FHOD3: variants seen among roughly 807,000 people sequenced by gnomAD.
The protein encoded by FHOD3 is formin homology 2 domain containing 3.
In FHOD3, 90 loss-of-function variants were observed where a neutral mutation model predicts 173.0. The observed-to-expected ratio is 0.52, with a 90% CI of 0.44 to 0.62. The LOEUF is 0.62. Ranked by LOEUF, FHOD3 falls within the 20% of genes least tolerant of loss-of-function variation. FHOD3 has a pLI of 0.00. For missense variants in FHOD3, 1,945 were observed against 2,034.7 expected (o/e 0.96, Z 0.85); for synonymous variants, 828 against 823.0 (o/e 1.01, Z -0.10).
intron 3 of FHOD3, among the ~76,000 whole-genome samples, chr18:36,457,838 C>A (rs865912858): frequency 1.3e-5 from 2 of 152,264 alleles, no homozygotes; most frequent in South Asian, 4.1e-4. Context: ...TCTGCTGAAT[C>A]GGATGTTACA....
chr18:36,738,623 A>C (rs1200719133), intron 20 of FHOD3, among the ~76,000 whole-genome samples: 2 of 152,140 alleles, frequency 1.3e-5, no homozygotes, highest in African/African-American at 4.8e-5. Flanking sequence ...GTATAGTGTA[A>C]GGTTTAACTT....
chr18:36,417,606 G>A (rs1385801076), intron 3 of FHOD3, among the ~76,000 whole-genome samples: 1 of 152,184 alleles, frequency 6.6e-6, no homozygotes. Context: ...GGGTTGAATG[G>A]TAGGAAATCA....
intron 5 of FHOD3, among the ~76,000 whole-genome samples, chr18:36,517,417 C>G (rs956405504): frequency 2.0e-5 from 3 of 152,056 alleles, no homozygotes; most frequent in Non-Finnish European, 2.9e-5. Flanking sequence ...TGTGGGGTCC[C>G]CTGCATGGCA....
At chr18:36,466,095 A>G (rs979659248) in intron 3 of FHOD3, among the ~76,000 whole-genome samples, 2 of 152,160 alleles carry the variant, frequency 1.3e-5, no homozygotes, top group East Asian at 3.9e-4. Flanking sequence ...TTACTGAATA[A>G]ATAAATACAT....
At chr18:36,716,972 A>T (rs889795349) in intron 18 of FHOD3, among the ~76,000 whole-genome samples, 2 of 146,342 alleles carry the variant, frequency 1.4e-5, no homozygotes, top group Non-Finnish European at 3.0e-5. Context: ...ATGTGCCAGA[A>T]GGAAGACTCT....
At chr18:36,549,532 C>CTTTTTTTTTTTTTTTTTTT (rs386387404) in intron 5 of FHOD3, among the ~76,000 whole-genome samples, 1 of 71,234 alleles carries the variant, frequency 1.4e-5, no homozygotes, top group Non-Finnish European at 2.5e-5. Flanking sequence ...TCTAAGAAAT[C>CTTTTTTTTTTTTTTTTTTT]TTTTTTTTTT....
At chr18:36,350,713 C>CGAGA (rs1363787218) in intron 1 of FHOD3, among the ~76,000 whole-genome samples, 1 of 152,170 alleles carries the variant, frequency 6.6e-6, no homozygotes, top group Non-Finnish European at 1.5e-5. Context: ...AGGGAGGTGT[C>CGAGA]TGAGTTTTTC....
At chr18:36,357,079 A>G (rs912150387) in intron 2 of FHOD3, among the ~76,000 whole-genome samples, 1 of 152,186 alleles carries the variant, frequency 6.6e-6, no homozygotes, top group African/African-American at 2.4e-5. Flanking sequence ...GTTTGAAACC[A>G]CTTTGCCCGA....
At chr18:36,492,282 A>G (rs1199917714) in intron 3 of FHOD3, among the ~76,000 whole-genome samples, 1 of 152,096 alleles carries the variant, frequency 6.6e-6, no homozygotes, top group Non-Finnish European at 1.5e-5. Flanking sequence ...CTCCATCCCC[A>G]GGCTCACAGG....
At chr18:36,514,170 A>G (rs1161772539) in intron 5 of FHOD3, among the ~76,000 whole-genome samples, 4 of 151,506 alleles carry the variant, frequency 2.6e-5, no homozygotes, top group African/African-American at 9.7e-5. Flanking sequence ...CACCATGCCC[A>G]GCTAATTTTT....
intron 5 of FHOD3, among the ~76,000 whole-genome samples, chr18:36,546,503 A>C (rs1233628689): frequency 6.6e-6 from 1 of 152,128 alleles, no homozygotes; most frequent in Non-Finnish European, 1.5e-5. Context: ...TTAATTTTTC[A>C]GGTGTTAATC....
intron 25 of FHOD3, 99 bp from the exon 26 acceptor site, chr18:36,759,019 A>C (rs937961614): frequency 3.0e-6 from 4 of 1,345,160 alleles, no homozygotes; most frequent in Admixed American, 2.0e-5. Flanking sequence ...TTTACTTGGA[A>C]TTTTATGTGA....
At chr18:36,626,367 A>G (rs1411731935) in intron 10 of FHOD3, among the ~76,000 whole-genome samples, 2 of 152,230 alleles carry the variant, frequency 1.3e-5, no homozygotes, top group Admixed American at 6.5e-5. Context: ...GCTGGGAGGA[A>G]GACCGAGAAT....
chr18:36,493,538 G>A (rs1392254033), intron 3 of FHOD3, among the ~76,000 whole-genome samples: 1 of 152,178 alleles, frequency 6.6e-6, no homozygotes, highest in Non-Finnish European at 1.5e-5. Flanking sequence ...CTAGGGAAAT[G>A]GGCGTCACCC....
intron 5 of FHOD3, among the ~76,000 whole-genome samples, chr18:36,545,909 A>G (rs2057392315): frequency 6.6e-6 from 1 of 152,240 alleles, no homozygotes; most frequent in Non-Finnish European, 1.5e-5. Flanking sequence ...CCCCACAACT[A>G]TCAGAAATGC....
intron 5 of FHOD3, among the ~76,000 whole-genome samples, chr18:36,570,986 C>A (rs2058432249): frequency 6.6e-6 from 1 of 152,052 alleles, no homozygotes; most frequent in African/African-American, 2.4e-5. Context: ...TCTCACCACG[C>A]CCATTGAATA....
At chr18:36,662,152 G>A (rs1336718278) in intron 14 of FHOD3, among the ~76,000 whole-genome samples, 1 of 152,224 alleles carries the variant, frequency 6.6e-6, no homozygotes, top group Non-Finnish European at 1.5e-5. Flanking sequence ...CTTTGGGAAA[G>A]GCCGGGCCCA....
intron 24 of FHOD3, among the ~76,000 whole-genome samples, chr18:36,750,795 G>A (rs1441830755): frequency 2.6e-5 from 4 of 152,026 alleles, no homozygotes; most frequent in Non-Finnish European, 5.9e-5. Flanking sequence ...GATGGTCATA[G>A]GTGTGTGACC....
At chr18:36,316,526 T>C (rs1267140369) in intron 1 of FHOD3, among the ~76,000 whole-genome samples, 1 of 152,236 alleles carries the variant, frequency 6.6e-6, no homozygotes, top group Non-Finnish European at 1.5e-5. Context: ...TTCCAAAATA[T>C]ATCTTGGTCA....
Sources: gnomAD v4.1 joint callset for allele counts (sites outside exome capture counted in the v4.1 genomes callset) on GRCh38, gnomAD v4.1.1 for gene constraint, MANE v1.5 for transcripts, NCBI Gene and HGNC (gene_info 2026-07-23, HGNC 2026-07-21) for gene names.